The following PHYKPL variants were observed in gnomAD, a reference collection of about 807,000 sequenced individuals.
The protein encoded by PHYKPL is 5-phosphohydroxy-L-lysine phospho-lyase.
PHYKPL carries 42 observed loss-of-function variants against 51.3 expected under a neutral mutation model. The observed-to-expected ratio is 0.82, with a 90% CI of 0.64 to 1.06. The LOEUF is 1.06. Ranked by LOEUF, PHYKPL falls within the 50% of genes least tolerant of loss-of-function variation. The pLI is 0.00. For missense variants in PHYKPL, 655 were observed against 586.6 expected, an observed-to-expected ratio of 1.12 and a Z score of -1.20; for synonymous variants, 264 against 236.0, an observed-to-expected ratio of 1.12 and a Z score of -1.09.
intron 11 of PHYKPL, among the ~76,000 whole-genome samples, chr5:178,212,340 G>A (rs964169069): frequency 6.6e-6 from 1 of 152,252 alleles, no homozygotes; most frequent in Non-Finnish European, 1.5e-5. Flanking sequence ...TCACCCAGAG[G>A]TAGGAGGGCA....
At chr5:178,231,824 A>C in intron 1 of PHYKPL, 1 of 1,370,880 alleles carries the variant, frequency 7.3e-7, no homozygotes, top group South Asian at 1.2e-5. Context: ...TCCTGAGAAA[A>C]GGTGGCTGCC....
chr5:178,210,230 T>A (rs747127334), intron 12 of PHYKPL: 19 of 1,613,324 alleles, frequency 1.2e-5, no homozygotes, highest in Middle Eastern at 3.3e-4. Flanking sequence ...CTACGACTAC[T>A]CGCCCTATGG....
chr5:178,211,775 A>G (rs1341398078), intron 12 of PHYKPL, 115 bp downstream of exon 12: 1 of 671,022 alleles, frequency 1.5e-6, no homozygotes, highest in Non-Finnish European at 2.6e-6. Flanking sequence ...GGGAAGGAGC[A>G]TCAGTCAGAA....
intron 8 of PHYKPL, among the ~76,000 whole-genome samples, chr5:178,217,997 C>T (rs1760224008): frequency 6.7e-6 from 1 of 150,052 alleles, no homozygotes; most frequent in Non-Finnish European, 1.5e-5. Flanking sequence ...ACGGGCGGAT[C>T]ACGAGGTCAG....
intron 7 of PHYKPL, 48 bp downstream of exon 7, chr5:178,222,804 T>A (rs758900779): frequency 3.1e-6 from 5 of 1,597,902 alleles, no homozygotes; most frequent in Non-Finnish European, 4.3e-6. Context: ...TTGGAAAACC[T>A]CATTAGACCC....
intron 1 of PHYKPL, chr5:178,231,915 C>A: frequency 1.5e-6 from 2 of 1,290,996 alleles, no homozygotes; most frequent in Non-Finnish European, 2.0e-6. Context: ...TGGCTCTCAG[C>A]CCTAAACAGC....
chr5:178,217,681 A>AC (rs1049920630), intron 8 of PHYKPL, among the ~76,000 whole-genome samples: 57 of 149,394 alleles, frequency 3.8e-4, no homozygotes, highest in African/African-American at 1.4e-3. Flanking sequence ...ACATGGTGAA[A>AC]CCCCGTCTGT....
intron 3 of PHYKPL, 170 bp from the exon 4 acceptor site, chr5:178,225,599 G>A (rs1253299521): frequency 4.6e-5 from 29 of 628,594 alleles, no homozygotes; most frequent in Non-Finnish European, 7.9e-5. Flanking sequence ...TGTACTAGAA[G>A]CTGGGGGAAA....
intron 3 of PHYKPL, chr5:178,228,469 A>T: frequency 1.4e-6 from 1 of 695,500 alleles, no homozygotes. Context: ...GTGGCATAAG[A>T]ATGCCCCTCC....
At chr5:178,231,857 G>C in intron 1 of PHYKPL, 1 of 1,337,886 alleles carries the variant, frequency 7.5e-7, no homozygotes, top group Non-Finnish European at 9.9e-7. Context: ...GACTCCATAA[G>C]GCCGCGTGTC....
intron 3 of PHYKPL, 39 bp from the exon 4 acceptor site, chr5:178,225,468 T>A (rs749089202): frequency 6.2e-7 from 1 of 1,606,552 alleles, no homozygotes. Context: ...GAGAGTAGTC[T>A]AAGAGCTTCC....
intron 10 of PHYKPL, among the ~76,000 whole-genome samples, chr5:178,213,905 C>G (rs1342117414): frequency 6.6e-6 from 1 of 152,190 alleles, no homozygotes; most frequent in Non-Finnish European, 1.5e-5. Flanking sequence ...AGGTGACTTA[C>G]CCATTTCCTC....
At chr5:178,207,304 C>G, downstream of PHYKPL, 1 of 1,542,594 alleles carries the variant, frequency 6.5e-7, no homozygotes, top group South Asian at 1.2e-5. Context: ...GGGGTTGGGC[C>G]TCATGCAGGA....
At position 178,210,816 on chromosome 5, in the gene PHYKPL, G is replaced by A. The variant is rs1581192473; in HGVS notation, c.*31+1074C>T. On this transcript the variant is annotated intron_variant, in intron 12 of 12. Transcript: ENST00000308158. ...GCTCTAGGTGTTTAGGCAGCGTGTGGTGTCTGAGAGGCCATAGCGCCATCA... is the reference window on the plus strand; with the variant it reads ...GCTCTAGGTGTTTAGGCAGCGTGTGATGTCTGAGAGGCCATAGCGCCATCA... The A allele has an allele frequency of 1.5e-5, 9 of 604,638 alleles. No individual in the cohort carries two copies. In the East Asian group the frequency reaches 2.2e-4, roughly 15 times the overall value. The allele number at this position is 604,638 out of a possible 1,614,324, so 37.5% of individuals were successfully genotyped here. A position where few individuals can be genotyped will look rare whatever the true frequency, so the allele number is the denominator to read the frequency against.
chr5:178,227,940 G>A (rs1333204191), intron 3 of PHYKPL, among the ~76,000 whole-genome samples: 1 of 152,218 alleles, frequency 6.6e-6, no homozygotes, highest in Non-Finnish European at 1.5e-5. Context: ...AGCAGATATA[G>A]GTGGTGATGC....
intron 8 of PHYKPL, chr5:178,216,630 A>C (rs1759849165): frequency 6.6e-6 from 1 of 152,274 alleles, no homozygotes; most frequent in Non-Finnish European, 1.5e-5. Context: ...CAAAATTCTG[A>C]AACATGCAAA....
intron 8 of PHYKPL, among the ~76,000 whole-genome samples, chr5:178,217,198 T>G (rs1048759520): frequency 1.3e-5 from 2 of 151,386 alleles, no homozygotes; most frequent in African/African-American, 4.9e-5. Flanking sequence ...ATAAATGAAA[T>G]GAAGCATTTA....
chr5:178,215,292 T>A lies in PHYKPL; in HGVS notation c.1066A>T (p.Ile356Phe). The change falls in exon 9 of 13, where the codon ATC (isoleucine) becomes TTC (phenylalanine). Residue 356 changes from isoleucine to phenylalanine, a missense_variant. Ile to Phe is a conservative substitution (Grantham distance 21). Transcript: ENST00000308158. ...LLGQQKIKHP[I>F]VGDVRGVGLF... ...GAGCCTCACCTGACATCCCCGACGA[T>A]GGGATGTTTGATTTTTTGCTGCCCG... is the stretch of plus-strand genomic sequence containing the variant. 6.2e-7 allele frequency: 1 copy of A among 1,613,898 alleles called. No homozygotes were observed. Among genetic ancestry groups the A allele is most frequent in the Non-Finnish European group, 8.5e-7 (1 of 1,179,932 alleles).
intron 8 of PHYKPL, chr5:178,216,511 ATTAG>A (rs1312023308): frequency 1.3e-5 from 2 of 152,232 alleles, no homozygotes; most frequent in African/African-American, 4.8e-5. Flanking sequence ...ACTTTACATA[ATTAG>A]TTCAGAAAAG....
Sources: allele counts gnomAD v4.1 joint callset (sites outside exome capture counted in the v4.1 genomes callset), GRCh38; gene constraint gnomAD v4.1.1; transcripts MANE v1.5; gene names NCBI Gene and HGNC (gene_info 2026-07-23, HGNC 2026-07-21).